Variants in ATP2C1 observed in about 807,000 individuals in gnomAD.
ATP2C1 encodes ATPase secretory pathway Ca2+ transporting 1, also known as calcium-transporting ATPase type 2C member 1.
In ATP2C1, 31 loss-of-function variants were observed where a neutral mutation model predicts 120.5. That is an observed-to-expected ratio of 0.26 (90% CI 0.19 to 0.35). The LOEUF (loss-of-function observed/expected upper bound fraction) is 0.35. Among genes scored for constraint, ATP2C1 ranks in the 10% least tolerant of loss-of-function variants. The pLI, the probability that ATP2C1 is intolerant of heterozygous loss-of-function variation, is 1.00. For missense variants in ATP2C1, 731 were observed against 1,107.5 expected (o/e 0.66, Z 4.83); for synonymous variants, 351 against 358.7 (o/e 0.98, Z 0.24).
chr3:130,873,794 G>C (rs1006520466), intron 1 of ATP2C1, among the ~76,000 whole-genome samples: 2 of 152,046 alleles, frequency 1.3e-5, no homozygotes, highest in African/African-American at 4.8e-5. Context: ...AGTCGAATCT[G>C]TCACTAAGTA....
At chr3:130,992,244 T>C (rs2062390448) in intron 20 of ATP2C1, among the ~76,000 whole-genome samples, 1 of 152,050 alleles carries the variant, frequency 6.6e-6, no homozygotes, top group Non-Finnish European at 1.5e-5. Context: ...TAGTGTTTTG[T>C]GGAAACACTA....
At chr3:130,948,613 C>T (rs529636571) in intron 8 of ATP2C1, among the ~76,000 whole-genome samples, 2 of 152,112 alleles carry the variant, frequency 1.3e-5, no homozygotes, top group East Asian at 3.9e-4. Context: ...GCCATTTTAT[C>T]TTCAGCTATT....
intron 1 of ATP2C1, among the ~76,000 whole-genome samples, chr3:130,861,832 C>A (rs2068022690): frequency 6.6e-6 from 1 of 152,116 alleles, no homozygotes; most frequent in East Asian, 1.9e-4. Flanking sequence ...CCATAGGCAT[C>A]ACAAAATCTA....
intron 20 of ATP2C1, among the ~76,000 whole-genome samples, chr3:130,981,519 T>G (rs139028081): frequency 9.2e-5 from 14 of 152,320 alleles, no homozygotes; most frequent in African/African-American, 3.4e-4. Context: ...CTTTTGCAGT[T>G]TGTACACAAA....
intron 2 of ATP2C1, among the ~76,000 whole-genome samples, chr3:130,926,561 A>G (rs2059215867): frequency 6.6e-6 from 1 of 152,230 alleles, no homozygotes; most frequent in African/African-American, 2.4e-5. Flanking sequence ...CAAAACTAGC[A>G]CTGCTGTATG....
At chr3:130,995,054 G>A (rs1410790726) in intron 22 of ATP2C1, among the ~76,000 whole-genome samples, 1 of 152,094 alleles carries the variant, frequency 6.6e-6, no homozygotes, top group Non-Finnish European at 1.5e-5. Context: ...TTCCTGACAT[G>A]CATTAGTTTA....
Position 130,972,820 on chromosome 3 carries a change from T to C in ATP2C1, c.1414-2512T>C, listed in dbSNP as rs116992372. On this transcript the variant is annotated intron_variant, in intron 17 of 27. Transcript: ENST00000510168. ...CATCATTTTTTATGGCTGCATAGTA[T>C]TCCATGGTGTATTAAATACAAGTGA... Among the ~76,000 whole-genome samples the C allele has an allele frequency of 4.7e-4, 71 of 152,090 alleles. No individual in the cohort carries two copies. In the Middle Eastern group the frequency reaches 0.01, roughly 22 times the overall value.
intron 18 of ATP2C1, among the ~76,000 whole-genome samples, chr3:130,977,024 T>C (rs1405584379): frequency 6.6e-6 from 1 of 152,152 alleles, no homozygotes; most frequent in East Asian, 1.9e-4. Context: ...TCCTCAACTT[T>C]CCACCTCAGC....
intron 1 of ATP2C1, among the ~76,000 whole-genome samples, chr3:130,883,937 CTT>C (rs1156505931): frequency 3.6e-5 from 4 of 112,398 alleles, no homozygotes; most frequent in African/African-American, 6.0e-5. Context: ...CTTTCTTTTT[CTT>C]TTCTTCTTTT....
intron 8 of ATP2C1, among the ~76,000 whole-genome samples, chr3:130,951,723 T>C (rs1307068775): frequency 6.6e-6 from 1 of 152,216 alleles, no homozygotes; most frequent in Non-Finnish European, 1.5e-5. Flanking sequence ...TTAACTGGTT[T>C]GTGTTTGTAT....
At chr3:130,997,869 A>G (rs2062703234) in intron 25 of ATP2C1, 116 bp downstream of exon 25, 3 of 1,038,674 alleles carry the variant, frequency 2.9e-6, no homozygotes, top group South Asian at 2.7e-5. Context: ...TCTTTTAGTG[A>G]AAAATATAAG....
intron 22 of ATP2C1, among the ~76,000 whole-genome samples, chr3:130,995,822 G>A (rs1235087931): frequency 6.6e-6 from 1 of 152,022 alleles, no homozygotes; most frequent in East Asian, 1.9e-4. Flanking sequence ...TGTATTTTTA[G>A]TAGAGACGGA....
downstream of ATP2C1, among the ~76,000 whole-genome samples, chr3:131,006,472 C>G (rs184701456): frequency 6.6e-6 from 1 of 152,264 alleles, no homozygotes; most frequent in East Asian, 1.9e-4. Context: ...ATATCCTACA[C>G]AATGCTCCAA....
chr3:130,897,853 A>C (rs1239133323), intron 2 of ATP2C1, among the ~76,000 whole-genome samples: 1 of 152,150 alleles, frequency 6.6e-6, no homozygotes, highest in African/African-American at 2.4e-5. Context: ...TTTTTGGACT[A>C]CTTAACATTC....
chr3:131,009,909 T>C (rs1432060760), intron 26 of ATP2C1, among the ~76,000 whole-genome samples: 1 of 152,186 alleles, frequency 6.6e-6, no homozygotes, highest in Non-Finnish European at 1.5e-5. Flanking sequence ...TACAGTGTCA[T>C]ATTTTGAGTC....
chr3:131,003,227 A>ATGGATGC, downstream of ATP2C1: 2 of 890,834 alleles, frequency 2.2e-6, no homozygotes, highest in Non-Finnish European at 2.7e-6. Context: ...AATTATCCAT[A>ATGGATGC]TGGATGCTGG....
intron 16 of ATP2C1, among the ~76,000 whole-genome samples, chr3:130,968,928 T>A (rs1264365965): frequency 6.6e-6 from 1 of 152,134 alleles, no homozygotes; most frequent in Admixed American, 6.6e-5. Context: ...AGATTTAATC[T>A]AAAACTTCTA....
At chr3:130,956,433 C>T (rs532071669) in intron 11 of ATP2C1, among the ~76,000 whole-genome samples, 4 of 152,116 alleles carry the variant, frequency 2.6e-5, no homozygotes, top group Admixed American at 6.5e-5. Context: ...GAATGTAATA[C>T]GATAGTTTTA....
chr3:131,000,468 TA>T (rs1273530734), intron 27 of ATP2C1, among the ~76,000 whole-genome samples: 1 of 152,238 alleles, frequency 6.6e-6, no homozygotes, highest in Non-Finnish European at 1.5e-5. Context: ...GATAGTATTG[TA>T]AAGACAAGTC....
Sources: gnomAD v4.1 joint callset for allele counts (sites outside exome capture counted in the v4.1 genomes callset) on GRCh38, gnomAD v4.1.1 for gene constraint, MANE v1.5 for transcripts, NCBI Gene and HGNC (gene_info 2026-07-23, HGNC 2026-07-21) for gene names.